ARHGAP6: variants seen among roughly 807,000 people sequenced by gnomAD.
ARHGAP6 encodes the protein rho GTPase-activating protein 6.
Under a neutral mutation model 55.7 loss-of-function variants are expected in ARHGAP6, and 16 were observed. That is an observed-to-expected ratio of 0.29 (90% CI 0.19 to 0.44). The LOEUF (loss-of-function observed/expected upper bound fraction) is 0.44. Among genes scored for constraint, ARHGAP6 ranks in the 20% least tolerant of loss-of-function variants. The probability of loss-of-function intolerance (pLI) is 1.00; values close to 1 mark genes in which losing one functional copy is unlikely to be tolerated. For missense variants in ARHGAP6, 698 were observed against 808.9 expected (o/e 0.86, Z 1.66); for synonymous variants, 382 against 360.9 (o/e 1.06, Z -0.66).
At chrX:11,460,526 T>C (rs1163983307) in intron 1 of ARHGAP6, among the ~76,000 whole-genome samples, 1 of 111,519 alleles carries the variant, frequency 9.0e-6, no homozygotes, top group African/African-American at 3.3e-5. Flanking sequence ...TGTGCTATTT[T>C]AAGCCACTAG....
intron 1 of ARHGAP6, among the ~76,000 whole-genome samples, chrX:11,354,289 CTCTCTT>C (rs1276527638): frequency 1.3e-3 from 97 of 72,944 alleles, no homozygotes; most frequent in Non-Finnish European, 1.6e-3. Flanking sequence ...CTCTCTCTCT[CTCTCTT>C]TCTCTCTCTC....
At chrX:11,381,193 T>C (rs1429083636) in intron 1 of ARHGAP6, among the ~76,000 whole-genome samples, 1 of 112,651 alleles carries the variant, frequency 8.9e-6, no homozygotes, top group Non-Finnish European at 1.9e-5. Context: ...GTTTGGAAGG[T>C]AAGCAGAGTT....
In ARHGAP6 at chrX:11,572,443, G is replaced by C. The variant is rs894340111; in HGVS notation, c.588+91798C>G. Among the ~76,000 whole-genome samples, 21 of 110,378 alleles carry C rather than the reference G, an allele frequency of 1.9e-4. 1 individual carries two copies. In the South Asian group the frequency reaches 2.0e-3, roughly 10 times the overall value. On this transcript the variant is annotated intron_variant, in intron 1 of 12. Coordinates refer to ENST00000337414, the MANE Select transcript of ARHGAP6 (RefSeq NM_013427.3). ...TATGAGTGAGAACACAAGGTGTTTG[G>C]TTTTTTGTTCTTGCGATAGTTTAAT...
chrX:11,529,890 T>C (rs2051030225), intron 1 of ARHGAP6, among the ~76,000 whole-genome samples: 1 of 111,826 alleles, frequency 8.9e-6, no homozygotes, highest in African/African-American at 3.2e-5. Context: ...ACAACTTATT[T>C]CTGTCAAAAA....
chrX:11,323,054 G>T (rs1381725809), intron 1 of ARHGAP6, among the ~76,000 whole-genome samples: 2 of 112,371 alleles, frequency 1.8e-5, no homozygotes, highest in Admixed American at 9.4e-5. Context: ...AAATACCTTA[G>T]ATGAATGTGA....
intron 1 of ARHGAP6, among the ~76,000 whole-genome samples, chrX:11,663,059 C>A (rs2052718272): frequency 8.9e-6 from 1 of 112,118 alleles, no homozygotes; most frequent in African/African-American, 3.2e-5. Context: ...AATCTGCACC[C>A]CCAACACCTA....
intron 1 of ARHGAP6, among the ~76,000 whole-genome samples, chrX:11,274,232 A>G (rs2047729221): frequency 1.8e-5 from 2 of 112,156 alleles, no homozygotes; most frequent in South Asian, 7.4e-4. Flanking sequence ...TATAGGTAAT[A>G]AATTACTTCT....
chrX:11,522,806 A>G (rs2050945879), intron 1 of ARHGAP6, among the ~76,000 whole-genome samples: 1 of 111,915 alleles, frequency 8.9e-6, no homozygotes, highest in Non-Finnish European at 1.9e-5. Context: ...TACCAGAGGT[A>G]CAAGGAGGAG....
intron 1 of ARHGAP6, among the ~76,000 whole-genome samples, chrX:11,282,140 C>A (rs1029036694): frequency 8.9e-6 from 1 of 112,027 alleles, no homozygotes. Flanking sequence ...AATGGTAAAA[C>A]AACTGAATTT....
intron 1 of ARHGAP6, among the ~76,000 whole-genome samples, chrX:11,299,272 G>A (rs2048138567): frequency 8.9e-6 from 1 of 111,763 alleles, no homozygotes; most frequent in Non-Finnish European, 1.9e-5. Context: ...TAAACCCCAT[G>A]AATTTTAAGG....
At chrX:11,436,970 C>T (rs1309325273) in intron 1 of ARHGAP6, among the ~76,000 whole-genome samples, 1 of 110,218 alleles carries the variant, frequency 9.1e-6, no homozygotes, top group African/African-American at 3.3e-5. Context: ...TAGTGGTTAC[C>T]CAACTTTGAA....
Position 11,179,407 on chromosome X carries a change from C to G in ARHGAP6, c.1375G>C (p.Glu459Gln), listed in dbSNP as rs1303568749. Residue 459 changes from glutamate to glutamine, a missense_variant, in exon 7 of 13, where the codon GAG becomes CAG. This residue lies in a region of ARHGAP6 where 322 missense variants were observed against 451.1 expected (regional missense o/e 0.71). Transcript: ENST00000337414. Reference sequence around the variant, plus strand: ...GCTGCCACATCATGAACACTGTGCTCCTCCTCCAGAGAGACATCAATCCCA... The same window carrying G: ...GCTGCCACATCATGAACACTGTGCTGCTCCTCCAGAGAGACATCAATCCCA... ...DRGIDVSLEE[E>Q]HSVHDVAALL... The G allele has an allele frequency of 8.3e-7, 1 of 1,209,959 alleles. No homozygotes were observed. Among genetic ancestry groups the G allele is most frequent in the Middle Eastern group, 2.3e-4 (1 of 4,313 alleles).
At chrX:11,205,232 G>A (rs752317216) in intron 2 of ARHGAP6, among the ~76,000 whole-genome samples, 1 of 111,061 alleles carries the variant, frequency 9.0e-6, no homozygotes, top group Non-Finnish European at 1.9e-5. Flanking sequence ...ATTATCTAGA[G>A]CAAGGTTGCT....
intron 1 of ARHGAP6, among the ~76,000 whole-genome samples, chrX:11,635,489 G>T (rs1480079954): frequency 9.1e-6 from 1 of 110,114 alleles, no homozygotes; most frequent in Admixed American, 9.7e-5. Flanking sequence ...TTATAATTTT[G>T]CTCAGAATGC....
intron 8 of ARHGAP6, among the ~76,000 whole-genome samples, chrX:11,172,108 G>A (rs1018837497): frequency 9.0e-6 from 1 of 110,948 alleles, no homozygotes; most frequent in Non-Finnish European, 1.9e-5. Context: ...CTGAAACAAA[G>A]CCCTCTGAAC....
At chrX:11,199,544 T>C (rs185430218) in intron 2 of ARHGAP6, among the ~76,000 whole-genome samples, 20 of 112,555 alleles carry the variant, frequency 1.8e-4, no homozygotes, top group Non-Finnish European at 3.4e-4. Context: ...GCTGGATCTG[T>C]GTATATGCAA....
intron 1 of ARHGAP6, among the ~76,000 whole-genome samples, chrX:11,662,708 G>A (rs906298688): frequency 8.9e-6 from 1 of 112,561 alleles, no homozygotes; most frequent in Non-Finnish European, 1.9e-5. Context: ...TTCCAAGTAT[G>A]TATATGGTTG....
In ARHGAP6 at chrX:11,264,761, T is replaced by G. The variant is rs1411078107; in HGVS notation, c.589-10054A>C. The stretch of plus-strand genomic sequence containing the variant: ...AATTAGAACGACCTCCGGAGATAGA[T>G]TAGACCTTGAAGATACTGCTCACAT... On this transcript the variant is annotated intron_variant, in intron 1 of 12. Transcript: ENST00000337414. 3.6e-5 allele frequency among the ~76,000 whole-genome samples: 4 copies of G among 112,106 alleles called. No individual in the cohort carries two copies. The East Asian group carries it at 1.1e-3, about 31-fold the overall frequency.
In ARHGAP6 at chrX:11,185,142, CTGTGTGTGTG is replaced by C. The variant is rs3990773; in HGVS notation, c.1273+1084_1273+1093del. Among the ~76,000 whole-genome samples the C allele has an allele frequency of 3.4e-3, 324 of 95,966 alleles. 3 individuals are homozygous for C. The highest frequency in any genetic ancestry group is 4.0e-3 in the Non-Finnish European group (188 of 46,591). 83.3% of individuals were successfully genotyped at this position (95,966 alleles called of 115,157 possible). On this transcript the variant is annotated intron_variant, in intron 5 of 12. Transcript: ENST00000337414. ...GGGAATGTCATTATGTGGTGCATGA[CTGTGTGTGTG>C]TGTGTGTGTGTGTGTGTGTGTGTGT...
Sources: gnomAD v4.1 joint callset for allele counts (sites outside exome capture counted in the v4.1 genomes callset) on GRCh38, gnomAD v4.1.1 for gene constraint, gnomAD v4.1.1 regional missense constraint, MANE v1.5 for transcripts, NCBI Gene and HGNC (gene_info 2026-07-23, HGNC 2026-07-21) for gene names.